AFF3: variants seen among roughly 807,000 people sequenced by gnomAD.
AFF3 encodes the protein AF4/FMR2 family member 3.
AFF3 carries 32 observed loss-of-function variants against 129.7 expected under a neutral mutation model. That is an observed-to-expected ratio of 0.25 (90% CI 0.19 to 0.33). AFF3 has a LOEUF of 0.33. AFF3 is among the 10% of genes least tolerant of loss of function. AFF3 has a pLI of 1.00. For synonymous variants in AFF3, 644 were observed against 635.4 expected, an observed-to-expected ratio of 1.01 and a Z score of -0.20; for missense variants, 1,373 against 1,592.0, an observed-to-expected ratio of 0.86 and a Z score of 2.34.
intron 3 of AFF3, chr2:100,105,237 C>T (rs1691194261): frequency 2.9e-6 from 3 of 1,036,994 alleles, no homozygotes; most frequent in Non-Finnish European, 3.7e-6. Flanking sequence ...CTGGGCGCTC[C>T]CGCGGGCGGC....
At chr2:99,985,237 C>A (rs1197175634) in intron 7 of AFF3, among the ~76,000 whole-genome samples, 2 of 152,204 alleles carry the variant, frequency 1.3e-5, no homozygotes, top group African/African-American at 4.8e-5. Context: ...AACCTAAGTA[C>A]AACTATATTT....
At chr2:99,788,529 G>A (rs1321402209) in intron 8 of AFF3, among the ~76,000 whole-genome samples, 1 of 152,214 alleles carries the variant, frequency 6.6e-6, no homozygotes, top group Non-Finnish European at 1.5e-5. Context: ...TTTTTGAATA[G>A]TCGTACAGTG....
At chr2:99,715,376 A>G (rs1678278492) in intron 11 of AFF3, among the ~76,000 whole-genome samples, 1 of 152,260 alleles carries the variant, frequency 6.6e-6, no homozygotes, top group African/African-American at 2.4e-5. Context: ...AGCTTTTATA[A>G]GTTATGAATA....
At chr2:100,069,670 T>C (rs1383452708) in intron 4 of AFF3, among the ~76,000 whole-genome samples, 1 of 152,212 alleles carries the variant, frequency 6.6e-6, no homozygotes, top group East Asian at 1.9e-4. Context: ...GTCTTGTTCT[T>C]CAAGCAACAC....
At chr2:100,020,262 G>A (rs907253205) in intron 4 of AFF3, among the ~76,000 whole-genome samples, 1 of 151,952 alleles carries the variant, frequency 6.6e-6, no homozygotes, top group Middle Eastern at 3.4e-3. Context: ...TGAGATTGTG[G>A]TCTCCCTCTT....
At chr2:99,560,705 C>A (rs1434473974) in intron 20 of AFF3, among the ~76,000 whole-genome samples, 1 of 152,164 alleles carries the variant, frequency 6.6e-6, no homozygotes. Flanking sequence ...GGGAGTGATA[C>A]CAGTTCAAGA....
chr2:99,617,034 C>G (rs1310006580), intron 13 of AFF3, among the ~76,000 whole-genome samples: 1 of 152,158 alleles, frequency 6.6e-6, no homozygotes. Context: ...TATGAATATA[C>G]CACATTTTGC....
At chr2:99,594,440 G>C (rs942580744) in intron 14 of AFF3, 151 bp from the exon 15 acceptor site, 9 of 1,173,062 alleles carry the variant, frequency 7.7e-6, no homozygotes, top group Non-Finnish European at 9.4e-6. Flanking sequence ...AGCATTAAGC[G>C]TGTGTGGCAG....
chr2:100,090,280 A>G (rs1689742541), intron 4 of AFF3, among the ~76,000 whole-genome samples: 1 of 151,208 alleles, frequency 6.6e-6, no homozygotes. Context: ...GTATTGCTGT[A>G]CCATCATTAT....
intron 11 of AFF3, among the ~76,000 whole-genome samples, chr2:99,677,561 G>A (rs1674107161): frequency 6.6e-6 from 1 of 152,198 alleles, no homozygotes; most frequent in South Asian, 2.1e-4. Context: ...ACGCAGACAA[G>A]GAGTCGAAGG....
chr2:99,730,003 T>G (rs1679684139), intron 10 of AFF3, among the ~76,000 whole-genome samples: 1 of 152,168 alleles, frequency 6.6e-6, no homozygotes, highest in African/African-American at 2.4e-5. Flanking sequence ...TATGCAAATA[T>G]ATATGCATAT....
rs984325551 is a variant in AFF3 at position 100,079,460 on chromosome 2, G to T, written c.53+24942C>A. On this transcript the variant is annotated intron_variant, in intron 4 of 24. Coordinates refer to ENST00000672756, the MANE Select transcript of AFF3 (RefSeq NM_001386135.1). Reference sequence around the variant, plus strand: ...TCAACTAGGTTACAAACTCCTTGAGGGCAGATGCTGTCTAAACATACTTCT... The same window carrying T: ...TCAACTAGGTTACAAACTCCTTGAGTGCAGATGCTGTCTAAACATACTTCT... 6.6e-5 allele frequency among the ~76,000 whole-genome samples: 10 copies of T among 152,264 alleles called. No individual in the cohort carries two copies. In the East Asian group the frequency reaches 1.9e-3, roughly 29 times the overall value.
intron 8 of AFF3, among the ~76,000 whole-genome samples, chr2:99,784,551 C>T (rs1684645680): frequency 6.6e-6 from 1 of 152,180 alleles, no homozygotes; most frequent in Non-Finnish European, 1.5e-5. Context: ...GTAAATTATG[C>T]AAGTTCACAT....
chr2:99,782,002 A>G (rs1202356577), intron 8 of AFF3, among the ~76,000 whole-genome samples: 1 of 152,238 alleles, frequency 6.6e-6, no homozygotes, highest in Non-Finnish European at 1.5e-5. Context: ...AAGCTTATAC[A>G]GAACTTTATT....
chr2:100,029,875 A>C (rs78975287), intron 4 of AFF3, among the ~76,000 whole-genome samples: 3,099 of 152,164 alleles, frequency 0.02, 87 homozygotes, highest in African/African-American at 0.068. Flanking sequence ...GACCAGCCTG[A>C]GCAACATGGC....
At chr2:100,128,931 C>T (rs186513496) in intron 2 of AFF3, among the ~76,000 whole-genome samples, 3 of 152,102 alleles carry the variant, frequency 2.0e-5, no homozygotes, top group Admixed American at 2.0e-4. Flanking sequence ...ATTTCTGTGT[C>T]CTGGAGTACA....
chr2:100,068,777 A>T (rs1165960091), intron 4 of AFF3, among the ~76,000 whole-genome samples: 1 of 152,140 alleles, frequency 6.6e-6, no homozygotes, highest in Non-Finnish European at 1.5e-5. Context: ...ATTAGTAAAG[A>T]TGATGGACAA....
intron 8 of AFF3, among the ~76,000 whole-genome samples, chr2:99,798,788 A>G (rs1282618385): frequency 6.6e-6 from 1 of 152,016 alleles, no homozygotes; most frequent in Non-Finnish European, 1.5e-5. Context: ...GAGCTTCAAA[A>G]TACACGAAGC....
intron 11 of AFF3, among the ~76,000 whole-genome samples, chr2:99,695,334 C>T (rs759827843): frequency 6.6e-6 from 1 of 152,134 alleles, no homozygotes; most frequent in Non-Finnish European, 1.5e-5. Flanking sequence ...CTTCACTGGG[C>T]GAGTCTCCCA....
Sources: allele counts gnomAD v4.1 joint callset (sites outside exome capture counted in the v4.1 genomes callset), GRCh38; gene constraint gnomAD v4.1.1; transcripts MANE v1.5; gene names NCBI Gene and HGNC (gene_info 2026-07-23, HGNC 2026-07-21).